The following EBF1 variants were observed in gnomAD, a reference collection of about 807,000 sequenced individuals.
EBF1 encodes the protein EBF transcription factor 1.
Under a neutral mutation model 68.4 loss-of-function variants are expected in EBF1, and 10 were observed. The observed-to-expected ratio is 0.15, with a 90% CI of 0.09 to 0.25. EBF1 has a LOEUF of 0.25. EBF1 is among the 10% of genes least tolerant of loss of function. EBF1 has a pLI of 1.00. For synonymous variants in EBF1, 298 were observed against 299.8 expected, an observed-to-expected ratio of 0.99 and a Z score of 0.06; for missense variants, 509 against 794.4, an observed-to-expected ratio of 0.64 and a Z score of 4.32.
chr5:158,969,162 C>T (rs1462776537), intron 6 of EBF1, among the ~76,000 whole-genome samples: 1 of 151,944 alleles, frequency 6.6e-6, no homozygotes, highest in African/African-American at 2.4e-5. Context: ...ATTAGCCCAG[C>T]ATGGTGGTGT....
chr5:158,833,035 C>T (rs1186551517), intron 7 of EBF1, among the ~76,000 whole-genome samples: 2 of 152,110 alleles, frequency 1.3e-5, no homozygotes, highest in East Asian at 3.9e-4. Context: ...CTGGCTCTTC[C>T]CAGGATGGTT....
chr5:158,731,439 T>A (rs1581407447), intron 10 of EBF1, among the ~76,000 whole-genome samples: 1 of 152,306 alleles, frequency 6.6e-6, no homozygotes, highest in East Asian at 1.9e-4. Flanking sequence ...AAATAGAAAG[T>A]AAAATGGTAT....
chr5:159,074,734 G>C (rs1778426142), intron 5 of EBF1, among the ~76,000 whole-genome samples: 1 of 152,180 alleles, frequency 6.6e-6, no homozygotes, highest in Non-Finnish European at 1.5e-5. Context: ...TTTCTTTCAT[G>C]TCTTCGGAGA....
chr5:158,778,318 A>T (rs1459316746), intron 9 of EBF1, among the ~76,000 whole-genome samples: 1 of 152,146 alleles, frequency 6.6e-6, no homozygotes, highest in East Asian at 1.9e-4. Context: ...TAAAACTGGC[A>T]TTATCTGGTT....
chr5:158,805,518 G>C (rs1470641395), intron 8 of EBF1, among the ~76,000 whole-genome samples: 2 of 152,026 alleles, frequency 1.3e-5, no homozygotes, highest in African/African-American at 4.8e-5. Context: ...TAAAAACATA[G>C]ATGCGTGCAG....
At chr5:158,713,193 T>G in intron 12 of EBF1, 46 bp from the exon 13 acceptor site, 13 of 1,342,428 alleles carry the variant, frequency 9.7e-6, no homozygotes, top group Non-Finnish European at 1.3e-5. Flanking sequence ...CCAGTCATAT[T>G]CCCAATAATA....
At chr5:158,715,832 T>C (rs1760561648) in intron 11 of EBF1, among the ~76,000 whole-genome samples, 1 of 152,238 alleles carries the variant, frequency 6.6e-6, no homozygotes, top group Non-Finnish European at 1.5e-5. Flanking sequence ...CTTGGCTTTA[T>C]CTGGCTCTTA....
chr5:158,977,257 C>T (rs938274539), intron 6 of EBF1, among the ~76,000 whole-genome samples: 1 of 152,054 alleles, frequency 6.6e-6, no homozygotes, highest in South Asian at 2.1e-4. Flanking sequence ...TTCATTTGAA[C>T]CTTATTGATT....
intron 11 of EBF1, among the ~76,000 whole-genome samples, chr5:158,719,502 C>T (rs1761487051): frequency 6.6e-6 from 1 of 152,102 alleles, no homozygotes; most frequent in African/African-American, 2.4e-5. Context: ...GATTATTCAC[C>T]ATCTGTGGGA....
chr5:159,033,136 C>T (rs1005643246), intron 6 of EBF1, among the ~76,000 whole-genome samples: 5 of 152,128 alleles, frequency 3.3e-5, no homozygotes, highest in African/African-American at 1.2e-4. Flanking sequence ...TTCACAGGAG[C>T]AGCCGCCTGG....
At chr5:158,969,888 G>GAAA (rs761037187) in intron 6 of EBF1, among the ~76,000 whole-genome samples, 1 of 95,400 alleles carries the variant, frequency 1.0e-5, no homozygotes, top group African/African-American at 3.9e-5. Flanking sequence ...AAGAAAGAAA[G>GAAA]AAAGAAAGAA....
intron 10 of EBF1, among the ~76,000 whole-genome samples, chr5:158,751,608 ACT>A (rs1473899760): frequency 1.3e-5 from 2 of 152,028 alleles, no homozygotes; most frequent in African/African-American, 2.4e-5. Flanking sequence ...CACTTGAGTA[ACT>A]CTGGCAAATG....
At position 158,836,440 on chromosome 5, in the gene EBF1, G is replaced by GA. The variant is rs999243319; in HGVS notation, c.636+3588dup. Among the ~76,000 whole-genome samples, 34 of 149,750 alleles carry GA rather than the reference G, an allele frequency of 2.3e-4. 1 individual carries two copies. Among genetic ancestry groups the GA allele is most frequent in the East Asian group, 5.8e-4 (3 of 5,132 alleles). ...GAGTGACTGTTGTTATATAATTCAA[G>GA]AAAAAAAAATGGATTCAAAAAGGGT... On this transcript the variant is annotated intron_variant, in intron 7 of 15. Coordinates refer to ENST00000313708, the MANE Select transcript of EBF1 (RefSeq NM_024007.5).
At chr5:158,964,000 G>A (rs951810381) in intron 6 of EBF1, among the ~76,000 whole-genome samples, 3 of 152,170 alleles carry the variant, frequency 2.0e-5, no homozygotes, top group African/African-American at 7.2e-5. Context: ...TGCTATGACG[G>A]AGAAAGAGTG....
At chr5:158,796,896 A>C (rs949144766) in intron 8 of EBF1, among the ~76,000 whole-genome samples, 2 of 152,190 alleles carry the variant, frequency 1.3e-5, no homozygotes, top group Admixed American at 6.5e-5. Context: ...AAACATTACC[A>C]TCCAATAGGA....
At chr5:159,095,510 T>G in intron 4 of EBF1, 110 bp downstream of exon 4, 1 of 1,310,990 alleles carries the variant, frequency 7.6e-7, no homozygotes, top group Admixed American at 2.1e-5. Flanking sequence ...CCGCCCCCGC[T>G]GGCTTTTAGA....
chr5:158,944,130 G>C (rs1231220534), intron 6 of EBF1, among the ~76,000 whole-genome samples: 2 of 152,112 alleles, frequency 1.3e-5, no homozygotes, highest in Non-Finnish European at 2.9e-5. Context: ...ATGCAGGTTT[G>C]TTACATAGGT....
intron 6 of EBF1, among the ~76,000 whole-genome samples, chr5:159,006,999 G>C (rs553780744): frequency 6.6e-6 from 1 of 152,204 alleles, no homozygotes; most frequent in African/African-American, 2.4e-5. Context: ...CAAAGGCAAT[G>C]TCAGAAATGT....
chr5:158,896,279 T>C (rs372633802), intron 6 of EBF1, among the ~76,000 whole-genome samples: 6 of 152,334 alleles, frequency 3.9e-5, no homozygotes, highest in East Asian at 3.9e-4. Context: ...GCTATATTGA[T>C]GGGAAGTTGA....
Sources: gnomAD v4.1 joint callset for allele counts (sites outside exome capture counted in the v4.1 genomes callset) on GRCh38, gnomAD v4.1.1 for gene constraint, MANE v1.5 for transcripts, NCBI Gene and HGNC (gene_info 2026-07-23, HGNC 2026-07-21) for gene names.